FREM2: variants seen among roughly 807,000 people sequenced by gnomAD.
FREM2 encodes the protein FRAS1-related extracellular matrix protein 2.
A neutral mutation model predicts 219.9 loss-of-function variants in FREM2; 119 were observed. The observed-to-expected ratio is 0.54, with a 90% CI of 0.47 to 0.63. FREM2 has a LOEUF of 0.63. Among genes scored for constraint, FREM2 ranks in the 30% least tolerant of loss-of-function variants. The pLI is 0.00. For synonymous variants in FREM2, 1,562 were observed against 1,522.8 expected, an observed-to-expected ratio of 1.03 and a Z score of -0.60; for missense variants, 4,030 against 3,993.6, an observed-to-expected ratio of 1.01 and a Z score of -0.25.
In FREM2 at chr13:38,842,389, T is replaced by C. The variant is rs191016788; in HGVS notation, c.6020-4184T>C. Among the ~76,000 whole-genome samples the C allele has an allele frequency of 4.6e-5, 7 of 152,200 alleles. No homozygotes were observed. In the East Asian group the frequency reaches 1.4e-3, roughly 30 times the overall value. ...GTGTTATTGCCTACAGCTGGATTAGTGGAAATGAGACAGAGAGAAACCTGG... is the reference window on the plus strand; with the variant it reads ...GTGTTATTGCCTACAGCTGGATTAGCGGAAATGAGACAGAGAGAAACCTGG... On this transcript the variant is annotated intron_variant, in intron 6 of 23. Transcript: ENST00000280481.
chr13:38,856,138 AG>A lies in FREM2; in HGVS notation c.6940del (p.Glu2314LysfsTer17), dbSNP rs1380692590. On this transcript the variant is annotated frameshift_variant, in exon 12 of 24. Coordinates refer to ENST00000280481, the MANE Select transcript of FREM2 (RefSeq NM_207361.6). LOFTEE classifies it high-confidence loss of function. ...YHPVSEEIEF[K>X]EGETQHVVEI... is the part of the protein sequence containing the mutation. ...GTTACATTTGTAGAAATTGAGTTTA[AG>A]GAAGGGGAAACCCAGCACGTGGTTG... The A allele has an allele frequency of 6.2e-7, 1 of 1,607,876 alleles. No homozygotes were observed. Among genetic ancestry groups the A allele is most frequent in the Non-Finnish European group, 8.5e-7 (1 of 1,175,152 alleles).
chr13:38,735,117 T>A (rs1190646069), intron 2 of FREM2, among the ~76,000 whole-genome samples: 2 of 152,194 alleles, frequency 1.3e-5, no homozygotes, highest in African/African-American at 2.4e-5. Flanking sequence ...GATATCTGAT[T>A]CTGCATTCGA....
intron 15 of FREM2, among the ~76,000 whole-genome samples, chr13:38,863,564 ATG>A (rs1381584060): frequency 6.6e-6 from 1 of 150,806 alleles, no homozygotes; most frequent in Non-Finnish European, 1.5e-5. Flanking sequence ...AAACAAAAAA[ATG>A]ATGAGTGGCA....
At chr13:38,703,198 G>T (rs140432706) in intron 2 of FREM2, among the ~76,000 whole-genome samples, 8 of 152,178 alleles carry the variant, frequency 5.3e-5, no homozygotes, top group Non-Finnish European at 8.8e-5. Flanking sequence ...CTGATAATTA[G>T]CTTGAAGTTA....
intron 3 of FREM2, among the ~76,000 whole-genome samples, chr13:38,766,520 A>G (rs2137811621): frequency 6.6e-6 from 1 of 152,278 alleles, no homozygotes; most frequent in Non-Finnish European, 1.5e-5. Context: ...AAGTTTTACA[A>G]TGAATACGTT....
At chr13:38,697,576 G>C in intron 1 of FREM2, 122 bp from the exon 2 acceptor site, 3 of 691,920 alleles carry the variant, frequency 4.3e-6, no homozygotes, top group Non-Finnish European at 7.8e-6. Context: ...CACTGTTTCT[G>C]TTAGGAGGAA....
rs185534733 is a variant in FREM2 at position 38,827,593 on chromosome 13, G to A, written c.6020-18980G>A. On this transcript the variant is annotated intron_variant, in intron 6 of 23. Transcript: ENST00000280481. ...GCCTTTGGGAAGCTTGAAGATGGAT[G>A]TGTGGATAGATCACTGAAATAGGGC... The A allele has an allele frequency of 2.6e-5, 4 of 152,254 alleles. No homozygotes were observed. The East Asian group carries it at 5.8e-4, about 22-fold the overall frequency. 9.4% of individuals were successfully genotyped at this position (152,254 alleles called of 1,614,324 possible). A position where few individuals can be genotyped will look rare whatever the true frequency, so the allele number is the denominator to read the frequency against.
At position 38,878,278 on chromosome 13, in the gene FREM2, G is replaced by A. The variant is rs1878417679; in HGVS notation, c.8816G>A (p.Cys2939Tyr). 2 of 1,613,626 alleles carry A rather than the reference G, an allele frequency of 1.2e-6. No individual in the cohort carries two copies. The highest frequency in any genetic ancestry group is 1.7e-6 in the Non-Finnish European group (2 of 1,179,856). ...KYSPMNAEYG[C>Y]LADSPSLLYR... ...AGTCCAATGAATGCAGAATATGGCT[G>A]CTTAGCCGACTCTCCTTCACTCTTA... is the stretch of plus-strand genomic sequence containing the variant. The change falls in exon 22 of 24, where the codon TGC becomes TAC. Residue 2939 changes from cysteine (C) to tyrosine (Y), a missense_variant. Transcript: ENST00000280481.
chr13:38,729,009 A>G (rs1264983705), intron 2 of FREM2, among the ~76,000 whole-genome samples: 1 of 152,038 alleles, frequency 6.6e-6, no homozygotes, highest in African/African-American at 2.4e-5. Context: ...CTAATTTTGT[A>G]TTTTTAGTAG....
At chr13:38,779,662 T>G (rs1190402704) in intron 4 of FREM2, 1 of 152,222 alleles carries the variant, frequency 6.6e-6, no homozygotes. Context: ...TAAATGCCTA[T>G]GCCCGGTGTC....
chr13:38,693,470 A>G (rs1566106949), intron 1 of FREM2, among the ~76,000 whole-genome samples: 2 of 152,232 alleles, frequency 1.3e-5, no homozygotes, highest in Admixed American at 6.5e-5. Flanking sequence ...CAAGTGTCCT[A>G]TGCAGAGTTA....
chr13:38,688,528 A>G lies in FREM2; in HGVS notation c.1184A>G (p.Tyr395Cys), dbSNP rs1382659957. ...QRDLRLLKIA[Y>C]QPPSEDSDQE... ...GATCTGCGGCTCCTGAAGATTGCCT[A>G]CCAGCCCCCTTCTGAAGACTCTGAC... Residue 395 changes from tyrosine (Y) to cysteine (C), a missense_variant, in exon 1 of 24, where the codon TAC becomes TGC. Around this residue, in one of 2 missense-constraint regions of FREM2, gnomAD observed 3,102 missense variants for 2,950.7 expected, o/e 1.05. Transcript: ENST00000280481. 2 of 1,613,854 alleles carry G rather than the reference A, an allele frequency of 1.2e-6. No individual in the cohort carries two copies. Among genetic ancestry groups the G allele is most frequent in the Admixed American group, 3.3e-5 (2 of 59,990 alleles).
intron 2 of FREM2, among the ~76,000 whole-genome samples, chr13:38,709,315 A>G (rs1870666982): frequency 1.3e-5 from 2 of 152,138 alleles, no homozygotes; most frequent in Non-Finnish European, 1.5e-5. Context: ...GTTTCCCATA[A>G]CAACTCATAT....
At chr13:38,816,816 T>C (rs1242941762) in intron 6 of FREM2, among the ~76,000 whole-genome samples, 8 of 152,190 alleles carry the variant, frequency 5.3e-5, no homozygotes, top group African/African-American at 1.9e-4. Flanking sequence ...ATCTTATATA[T>C]AGAAAACCTT....
intron 3 of FREM2, among the ~76,000 whole-genome samples, chr13:38,766,595 A>C (rs1406029991): frequency 6.6e-6 from 1 of 152,248 alleles, no homozygotes; most frequent in Non-Finnish European, 1.5e-5. Flanking sequence ...GATAGATTGC[A>C]TTATAGCAAA....
intron 2 of FREM2, among the ~76,000 whole-genome samples, chr13:38,760,307 T>C (rs1349337258): frequency 6.6e-6 from 1 of 152,232 alleles, no homozygotes; most frequent in Non-Finnish European, 1.5e-5. Flanking sequence ...GTTGTACATA[T>C]GAAATACTAG....
At chr13:38,787,540 A>G (rs928657814) in intron 6 of FREM2, among the ~76,000 whole-genome samples, 1 of 152,070 alleles carries the variant, frequency 6.6e-6, no homozygotes, top group African/African-American at 2.4e-5. Context: ...AAACTTTGCC[A>G]TCGTCAGGAA....
intron 2 of FREM2, among the ~76,000 whole-genome samples, chr13:38,709,120 C>G (rs1321181017): frequency 6.6e-6 from 1 of 152,194 alleles, no homozygotes; most frequent in Admixed American, 6.5e-5. Flanking sequence ...CTGTGCAGGT[C>G]TGACCCAATG....
At chr13:38,782,715 A>G (rs1318091680) in intron 4 of FREM2, among the ~76,000 whole-genome samples, 1 of 152,202 alleles carries the variant, frequency 6.6e-6, no homozygotes, top group African/African-American at 2.4e-5. Context: ...TTTTGAGGTC[A>G]TTTCCACCTC....
Sources: gnomAD v4.1 joint callset for allele counts (sites outside exome capture counted in the v4.1 genomes callset) on GRCh38, gnomAD v4.1.1 for gene constraint, gnomAD v4.1.1 regional missense constraint, MANE v1.5 for transcripts, NCBI Gene and HGNC (gene_info 2026-07-23, HGNC 2026-07-21) for gene names.